GPC5: variants seen among roughly 807,000 people sequenced by gnomAD.
GPC5 encodes the protein glypican-5.
A neutral mutation model predicts 53.9 loss-of-function variants in GPC5; 47 were observed. That is an observed-to-expected ratio of 0.87 (90% CI 0.69 to 1.11). The LOEUF (loss-of-function observed/expected upper bound fraction) is 1.11. Among genes scored for constraint, GPC5 ranks in the 50% most tolerant of loss-of-function variants. GPC5 has a pLI of 0.00. For missense variants in GPC5, 748 were observed against 713.1 expected (o/e 1.05, Z -0.56); for synonymous variants, 286 against 263.3 (o/e 1.09, Z -0.84).
At chr13:92,100,610 T>C (rs981567231) in intron 6 of GPC5, among the ~76,000 whole-genome samples, 2 of 152,186 alleles carry the variant, frequency 1.3e-5, no homozygotes, top group Admixed American at 1.3e-4. Context: ...TGATTGCTCA[T>C]ATTCTCATGT....
At chr13:92,575,319 A>C (rs1883156306) in intron 7 of GPC5, among the ~76,000 whole-genome samples, 1 of 152,192 alleles carries the variant, frequency 6.6e-6, no homozygotes, top group Non-Finnish European at 1.5e-5. Flanking sequence ...TGTTATTTTT[A>C]TAATTAAAAG....
intron 7 of GPC5, among the ~76,000 whole-genome samples, chr13:92,578,285 G>A (rs1883251700): frequency 6.6e-6 from 1 of 152,120 alleles, no homozygotes; most frequent in South Asian, 2.1e-4. Flanking sequence ...ATAACTCCTG[G>A]GGTAATTCCA....
At chr13:91,734,879 A>ATT (rs34784922) in intron 4 of GPC5, among the ~76,000 whole-genome samples, 3 of 149,370 alleles carry the variant, frequency 2.0e-5, no homozygotes, top group East Asian at 2.0e-4. Context: ...CCATATTTCT[A>ATT]TTTTTTTTCT....
intron 6 of GPC5, among the ~76,000 whole-genome samples, chr13:92,002,992 C>A (rs1230970225): frequency 6.6e-6 from 1 of 151,976 alleles, no homozygotes; most frequent in South Asian, 2.1e-4. Context: ...AGGTACTTAA[C>A]AAAATTTAAA....
intron 6 of GPC5, among the ~76,000 whole-genome samples, chr13:92,136,036 A>G (rs553290707): frequency 7.9e-5 from 12 of 152,170 alleles, no homozygotes; most frequent in Non-Finnish European, 1.6e-4. Flanking sequence ...ATGCTAATGG[A>G]AGAGGTGAGA....
In GPC5 at chr13:92,221,312, T is replaced by A. The variant is rs1401600189; in HGVS notation, c.1561+76323T>A. On this transcript the variant is annotated intron_variant, in intron 7 of 7. Coordinates refer to ENST00000377067, the MANE Select transcript of GPC5 (RefSeq NM_004466.6). ...GAAAATACGCTATAGTTCATCCAACTTTCTATTGCTTTGTCTTATCATATA... is the reference window on the plus strand; with the variant it reads ...GAAAATACGCTATAGTTCATCCAACATTCTATTGCTTTGTCTTATCATATA... Among the ~76,000 whole-genome samples the A allele has an allele frequency of 2.0e-5, 3 of 152,212 alleles. No individual in the cohort carries two copies. In the East Asian group the frequency reaches 5.8e-4, roughly 29 times the overall value.
chr13:91,664,601 T>C (rs1203956597), intron 2 of GPC5, among the ~76,000 whole-genome samples: 1 of 152,248 alleles, frequency 6.6e-6, no homozygotes, highest in Non-Finnish European at 1.5e-5. Flanking sequence ...ACAGATCCAT[T>C]CATTCTGTAT....
rs951460621 is a variant in GPC5, at chr13:92,144,881, G to A, written c.1453G>A (p.Gly485Ser). Residue 485 changes from glycine (G) to serine (S), a missense_variant, in exon 7 of 8, where the codon GGC (glycine) becomes AGC (serine). Transcript: ENST00000377067. ...TGACAAGTGGGAACTTCTTCAGCTG[G>A]GCAGTGGTGGAGGCATGGTTGAACA... ...KPDKWELLQL[G>S]SGGGMVEQVS... 4 of 1,611,614 alleles carry A rather than the reference G, an allele frequency of 2.5e-6. No individual in the cohort carries two copies. Among genetic ancestry groups the A allele is most frequent in the Non-Finnish European group, 3.4e-6 (4 of 1,178,970 alleles).
In GPC5 at chr13:92,398,637, ACTC is replaced by A. The variant is rs541459907; in HGVS notation, c.1561+253652_1561+253654del. On this transcript the variant is annotated intron_variant, in intron 7 of 7. Coordinates refer to ENST00000377067, the MANE Select transcript of GPC5 (RefSeq NM_004466.6). ...GAATTTTCAACTCCCTGGTAAACTC[ACTC>A]CTCAAGTTAAATCTCAATAGATTCT... 3.6e-3 allele frequency among the ~76,000 whole-genome samples: 551 copies of A among 151,954 alleles called. 2 individuals are homozygous for A. The highest frequency in any genetic ancestry group is 6.3e-3 in the Non-Finnish European group (426 of 67,972).
intron 2 of GPC5, among the ~76,000 whole-genome samples, chr13:91,650,148 A>G (rs916171863): frequency 6.6e-6 from 1 of 152,104 alleles, no homozygotes; most frequent in Non-Finnish European, 1.5e-5. Flanking sequence ...TATATGAAGT[A>G]TGTATGTTAT....
At chr13:92,805,871 T>C (rs1290385080) in intron 7 of GPC5, among the ~76,000 whole-genome samples, 1 of 152,082 alleles carries the variant, frequency 6.6e-6, no homozygotes, top group East Asian at 1.9e-4. Flanking sequence ...AAATTTAGCA[T>C]AATTGTTAAG....
At chr13:92,436,565 T>C (rs1340386608) in intron 7 of GPC5, among the ~76,000 whole-genome samples, 2 of 152,170 alleles carry the variant, frequency 1.3e-5, no homozygotes, top group African/African-American at 4.8e-5. Context: ...ACATCACTCA[T>C]CCTTCCACAA....
chr13:91,547,524 G>A (rs1045559104), intron 2 of GPC5, among the ~76,000 whole-genome samples: 1 of 152,066 alleles, frequency 6.6e-6, no homozygotes, highest in Non-Finnish European at 1.5e-5. Context: ...AAAACAGAAA[G>A]CACCAGGCCC....
intron 7 of GPC5, among the ~76,000 whole-genome samples, chr13:92,535,146 G>A (rs1255548271): frequency 6.6e-6 from 1 of 152,130 alleles, no homozygotes; most frequent in Non-Finnish European, 1.5e-5. Flanking sequence ...TCAGGAATGT[G>A]GCTGGGCTTC....
intron 7 of GPC5, among the ~76,000 whole-genome samples, chr13:92,616,548 A>G (rs1012699839): frequency 1.3e-5 from 2 of 152,202 alleles, no homozygotes; most frequent in Middle Eastern, 3.2e-3. Flanking sequence ...GCAAGGAAGT[A>G]TTATGTAACA....
At chr13:92,321,608 C>T (rs961031444) in intron 7 of GPC5, among the ~76,000 whole-genome samples, 2 of 72,676 alleles carry the variant, frequency 2.8e-5, no homozygotes. Flanking sequence ...CTCAAACATA[C>T]ATACATACAT....
rs562403674 is a variant in GPC5 at position 92,382,776 on chromosome 13, C to G, written c.1561+237787C>G. 8.6e-5 allele frequency among the ~76,000 whole-genome samples: 13 copies of G among 151,636 alleles called. No homozygotes were observed. The East Asian group carries it at 1.9e-3, about 23-fold the overall frequency. On this transcript the variant is annotated intron_variant, in intron 7 of 7. Coordinates refer to ENST00000377067, the MANE Select transcript of GPC5 (RefSeq NM_004466.6). Reference sequence around the variant, plus strand: ...CTGTAATCCCAGCACTTTGGGAGGCCGAGGCAGGCGGATCACGAGGTCAGG... The same window carrying G: ...CTGTAATCCCAGCACTTTGGGAGGCGGAGGCAGGCGGATCACGAGGTCAGG...
At chr13:92,550,755 C>T (rs1213237560) in intron 7 of GPC5, among the ~76,000 whole-genome samples, 2 of 151,800 alleles carry the variant, frequency 1.3e-5, no homozygotes, top group East Asian at 1.9e-4. Flanking sequence ...AAAGATATAT[C>T]AGTATGTGTA....
At chr13:91,505,932 G>A (rs954602923) in intron 2 of GPC5, among the ~76,000 whole-genome samples, 1 of 151,954 alleles carries the variant, frequency 6.6e-6, no homozygotes, top group Non-Finnish European at 1.5e-5. Flanking sequence ...GTTTAAAAGT[G>A]CAATATATTA....
Sources: allele counts gnomAD v4.1 joint callset (sites outside exome capture counted in the v4.1 genomes callset), GRCh38; gene constraint gnomAD v4.1.1; transcripts MANE v1.5; gene names NCBI Gene and HGNC (gene_info 2026-07-23, HGNC 2026-07-21).